The following ELAPOR1 variants were observed in gnomAD, a reference collection of about 807,000 sequenced individuals.
ELAPOR1 encodes endosome-lysosome associated apoptosis and autophagy regulator 1.
A neutral mutation model predicts 119.7 loss-of-function variants in ELAPOR1; 77 were observed. That is an observed-to-expected ratio of 0.64 (90% CI 0.54 to 0.78). ELAPOR1 has a LOEUF of 0.78. Among genes scored for constraint, ELAPOR1 ranks in the 30% least tolerant of loss-of-function variants. ELAPOR1 has a pLI of 0.00. For synonymous variants in ELAPOR1, 481 were observed against 487.2 expected, an observed-to-expected ratio of 0.99 and a Z score of 0.17; for missense variants, 1,115 against 1,270.4, an observed-to-expected ratio of 0.88 and a Z score of 1.86.
intron 1 of ELAPOR1, among the ~76,000 whole-genome samples, chr1:109,123,517 A>G (rs1453517277): frequency 2.6e-5 from 4 of 152,224 alleles, no homozygotes; most frequent in African/African-American, 4.8e-5. Flanking sequence ...GTCAAATTGC[A>G]TAGTCAAGGA....
chr1:109,170,707 G>T (rs534171057), intron 3 of ELAPOR1, among the ~76,000 whole-genome samples: 13 of 152,222 alleles, frequency 8.5e-5, no homozygotes, highest in Non-Finnish European at 1.9e-4. Context: ...TGAAGCAAGG[G>T]AGTGCCATGG....
intron 1 of ELAPOR1, among the ~76,000 whole-genome samples, chr1:109,132,072 G>A (rs943038491): frequency 2.6e-5 from 4 of 151,900 alleles, no homozygotes; most frequent in Non-Finnish European, 5.9e-5. Flanking sequence ...TTGGACAACA[G>A]AAAAAAATGG....
chr1:109,162,255 G>T (rs1177616746), intron 2 of ELAPOR1, among the ~76,000 whole-genome samples: 1 of 152,180 alleles, frequency 6.6e-6, no homozygotes, highest in Non-Finnish European at 1.5e-5. Flanking sequence ...CCCATCAGTG[G>T]ATACAGCATA....
chr1:109,158,798 A>C (rs954356124), intron 1 of ELAPOR1, among the ~76,000 whole-genome samples: 6 of 152,100 alleles, frequency 3.9e-5, no homozygotes, highest in African/African-American at 1.4e-4. Context: ...CACTGAGTAA[A>C]CTGTCAGGGA....
chr1:109,184,506 T>C (rs1470150194), intron 7 of ELAPOR1, among the ~76,000 whole-genome samples: 1 of 152,162 alleles, frequency 6.6e-6, no homozygotes, highest in Admixed American at 6.5e-5. Flanking sequence ...AAAGGAAATT[T>C]CCAAGGTGGA....
intron 1 of ELAPOR1, among the ~76,000 whole-genome samples, chr1:109,114,579 C>T (rs1352310996): frequency 6.6e-6 from 1 of 152,068 alleles, no homozygotes; most frequent in Non-Finnish European, 1.5e-5. Context: ...AAGGTCCCAG[C>T]CCCAAGAAGG....
At chr1:109,152,186 A>G (rs1261611144) in intron 1 of ELAPOR1, among the ~76,000 whole-genome samples, 2 of 152,082 alleles carry the variant, frequency 1.3e-5, no homozygotes, top group East Asian at 3.9e-4. Context: ...TAATTTTGAC[A>G]TTCTCCCCGA....
intron 7 of ELAPOR1, among the ~76,000 whole-genome samples, chr1:109,177,177 G>C (rs1349479756): frequency 2.0e-5 from 3 of 148,454 alleles, no homozygotes; most frequent in African/African-American, 5.0e-5. Flanking sequence ...TCCCAGTAGG[G>C]GCGGCCGGGC....
intron 3 of ELAPOR1, among the ~76,000 whole-genome samples, chr1:109,170,079 A>G (rs181856623): frequency 6.6e-6 from 1 of 152,376 alleles, no homozygotes; most frequent in Admixed American, 6.5e-5. Flanking sequence ...TCCCAAAGTG[A>G]GTTTCAGAGC....
chr1:109,182,356 A>G (rs1558056770), intron 7 of ELAPOR1, among the ~76,000 whole-genome samples: 2 of 111,026 alleles, frequency 1.8e-5, no homozygotes, highest in Non-Finnish European at 4.2e-5. Context: ...AATAATAATA[A>G]TAATAATTCC....
intron 1 of ELAPOR1, among the ~76,000 whole-genome samples, chr1:109,143,786 C>T (rs890473963): frequency 6.6e-6 from 1 of 151,816 alleles, no homozygotes; most frequent in Non-Finnish European, 1.5e-5. Context: ...CCTCCTGCCT[C>T]AGCTGCCCAA....
At chr1:109,194,091 G>C (rs574892285) in intron 14 of ELAPOR1, among the ~76,000 whole-genome samples, 7 of 152,106 alleles carry the variant, frequency 4.6e-5, no homozygotes, top group Non-Finnish European at 1.0e-4. Context: ...ATTGTCTTCT[G>C]CTGGAAAGTA....
At chr1:109,154,818 T>C (rs1650767896) in intron 1 of ELAPOR1, among the ~76,000 whole-genome samples, 1 of 152,206 alleles carries the variant, frequency 6.6e-6, no homozygotes, top group Non-Finnish European at 1.5e-5. Context: ...CTGGGGGAGC[T>C]GGCTTGTCCT....
intron 21 of ELAPOR1, chr1:109,201,306 T>A: frequency 2.2e-6 from 1 of 457,312 alleles, no homozygotes; most frequent in South Asian, 1.5e-5. Context: ...CAGTGGGGGG[T>A]GCTGTCTTCC....
At chr1:109,115,761 A>G (rs918828209) in intron 1 of ELAPOR1, among the ~76,000 whole-genome samples, 3 of 152,238 alleles carry the variant, frequency 2.0e-5, no homozygotes, top group Non-Finnish European at 2.9e-5. Context: ...TGAATATGAC[A>G]TAAGTGACCC....
At chr1:109,161,590 C>T in intron 1 of ELAPOR1, 1 of 202,038 alleles carries the variant, frequency 4.9e-6, no homozygotes, top group Non-Finnish European at 1.0e-5. Flanking sequence ...TATTTCTAGC[C>T]TGTTCCTTAG....
At chr1:109,140,125 C>T (rs906863520) in intron 1 of ELAPOR1, among the ~76,000 whole-genome samples, 11 of 129,266 alleles carry the variant, frequency 8.5e-5, no homozygotes, top group Non-Finnish European at 1.5e-4. Flanking sequence ...ATTTTAACAA[C>T]TGTATTAACC....
intron 1 of ELAPOR1, among the ~76,000 whole-genome samples, chr1:109,144,072 T>TTTTTTTTTTTTTTTTTTTTC (rs1650029706): frequency 7.2e-6 from 1 of 138,692 alleles, no homozygotes; most frequent in Non-Finnish European, 1.6e-5. Flanking sequence ...TTTTTTTTTT[T>TTTTTTTTTTTTTTTTTTTTC]TTTTGAGATG....
chr1:109,140,159 T>C (rs1649738953), intron 1 of ELAPOR1, among the ~76,000 whole-genome samples: 2 of 152,162 alleles, frequency 1.3e-5, no homozygotes, highest in African/African-American at 4.8e-5. Flanking sequence ...ACTTATAGGA[T>C]AGTGTCTTGT....
Sources: gnomAD v4.1 joint callset for allele counts (sites outside exome capture counted in the v4.1 genomes callset) on GRCh38, gnomAD v4.1.1 for gene constraint, MANE v1.5 for transcripts, NCBI Gene and HGNC (gene_info 2026-07-23, HGNC 2026-07-21) for gene names.